The following STRIP1 variants were observed in gnomAD, a reference collection of about 807,000 sequenced individuals.
STRIP1 encodes the protein striatin interacting protein 1.
STRIP1 carries 63 observed loss-of-function variants against 106.2 expected under a neutral mutation model. The observed-to-expected ratio is 0.59, with a 90% CI of 0.48 to 0.73. STRIP1 has a LOEUF of 0.73. Among genes scored for constraint, STRIP1 ranks in the 30% least tolerant of loss-of-function variants. The probability of loss-of-function intolerance (pLI) is 0.00; values close to 1 mark genes in which losing one functional copy is unlikely to be tolerated. For missense variants in STRIP1, 857 were observed against 1,074.8 expected, an observed-to-expected ratio of 0.80 and a Z score of 2.83; for synonymous variants, 390 against 413.0, an observed-to-expected ratio of 0.94 and a Z score of 0.67.
At chr1:110,040,563 G>C in intron 5 of STRIP1, 72 bp from the exon 6 acceptor site, 1 of 1,433,818 alleles carries the variant, frequency 7.0e-7, no homozygotes, top group Non-Finnish European at 9.5e-7. Flanking sequence ...TTCCCCATTG[G>C]TCAGTACTTG....
At position 110,043,624 on chromosome 1, in the gene STRIP1, C is replaced by T; in HGVS notation, c.1069-15C>T. On this transcript the variant is annotated splice_polypyrimidine_tract_variant and intron_variant, in intron 9 of 20. Transcript: ENST00000369795. ...CTCAGTTGGCTCTTGTCTCATCTCC[C>T]TTCCCTGGTTTCAGGCTCTGATAAA... 1 of 1,610,616 alleles carries T rather than the reference C, an allele frequency of 6.2e-7. No individual in the cohort carries two copies. The highest frequency in any genetic ancestry group is 8.5e-7 in the Non-Finnish European group (1 of 1,178,026).
upstream of STRIP1, chr1:110,034,621 G>C (rs1290959885): frequency 1.3e-6 from 2 of 1,512,326 alleles, no homozygotes; most frequent in Non-Finnish European, 8.8e-7. Flanking sequence ...TTAAGCTGGG[G>C]GTGTGGAGCA....
chr1:110,048,241 C>T (rs1653123684), intron 15 of STRIP1: 2 of 259,930 alleles, frequency 7.7e-6, no homozygotes, highest in Non-Finnish European at 1.5e-5. Context: ...CCAGCAACAG[C>T]TGAACCTGTG....
chr1:110,046,742 T>G lies in STRIP1; in HGVS notation c.1479T>G (p.Pro493=). The change falls in exon 13 of 21, where the codon CCT becomes CCG. Residue 493 remains proline (P), a synonymous_variant. Transcript: ENST00000369795. ...AQMEEEYLRS[P]LSGGEEEVEQ... ...TGGAGGAGGAATACCTCCGCTCCCC[T>G]CTCTCAGGGGTAAGTTGGAGGTCCT... The G allele has an allele frequency of 1.2e-6, 2 of 1,612,040 alleles. No homozygotes were observed. Among genetic ancestry groups the G allele is most frequent in the Non-Finnish European group, 8.5e-7 (1 of 1,178,676 alleles).
chr1:110,041,477 C>T lies in STRIP1; in HGVS notation c.651-59C>T. 4 of 1,219,056 alleles carry T rather than the reference C, an allele frequency of 3.3e-6. No homozygotes were observed. In the South Asian group the frequency reaches 4.9e-5, roughly 15 times the overall value. 75.5% of individuals were successfully genotyped at this position (1,219,056 alleles called of 1,614,324 possible). A position where few individuals can be genotyped will look rare whatever the true frequency, so the allele number is the denominator to read the frequency against. The stretch of plus-strand genomic sequence containing the variant: ...CTTTGTGTAAGCACTTTGTTAGACA[C>T]TAGGGTGCTCCTTTGACCCCCCCAT... On this transcript the variant is annotated intron_variant, in intron 6 of 20. Transcript: ENST00000369795.
intron 18 of STRIP1, 108 bp from the exon 19 acceptor site, chr1:110,050,848 T>TA (rs888833147): frequency 1.7e-5 from 12 of 695,350 alleles, no homozygotes; most frequent in Non-Finnish European, 2.1e-5. Flanking sequence ...GGATTCCTGG[T>TA]AGAGGCCTGG....
At position 110,039,117 on chromosome 1, in the gene STRIP1, A is replaced by G. The variant is rs1052878646; in HGVS notation, c.326-55A>G. The G allele has an allele frequency of 5.6e-6, 9 of 1,604,990 alleles. No individual in the cohort carries two copies. The African/African-American group carries it at 8.0e-5, about 14-fold the overall frequency. Reference sequence around the variant, plus strand: ...GAATTTGGTGAGTTAACATGGGTCCATGCCATTGTGAGGATTTTTCTAGGC... The same window carrying G: ...GAATTTGGTGAGTTAACATGGGTCCGTGCCATTGTGAGGATTTTTCTAGGC... On this transcript the variant is annotated intron_variant, in intron 3 of 20. Coordinates refer to ENST00000369795, the MANE Select transcript of STRIP1 (RefSeq NM_033088.4).
chr1:110,050,635 G>T (rs570246299), intron 18 of STRIP1, among the ~76,000 whole-genome samples: 1 of 152,352 alleles, frequency 6.6e-6, no homozygotes, highest in South Asian at 2.1e-4. Flanking sequence ...GGTCTTCAGG[G>T]GCTGCTGATC....
intron 9 of STRIP1, 41 bp from the exon 10 acceptor site, chr1:110,043,598 C>T (rs1037588559): frequency 3.8e-6 from 6 of 1,561,842 alleles, no homozygotes; most frequent in Admixed American, 1.7e-5. Context: ...TGGTCTGCGT[C>T]CTCAGTTGGC....
intron 1 of STRIP1, among the ~76,000 whole-genome samples, chr1:110,035,964 A>G (rs1652432524): frequency 6.6e-6 from 1 of 152,336 alleles, no homozygotes; most frequent in South Asian, 2.1e-4. Context: ...GAGCCCTGGC[A>G]TGGTGGGATG....
intron 17 of STRIP1, 156 bp from the exon 18 acceptor site, chr1:110,050,187 A>T: frequency 1.5e-6 from 1 of 650,202 alleles, no homozygotes; most frequent in Non-Finnish European, 2.7e-6. Context: ...TCCTCATCTT[A>T]TAGGTGGGGA....
intron 2 of STRIP1, 53 bp from the exon 3 acceptor site, chr1:110,038,630 C>A: frequency 6.8e-7 from 1 of 1,471,140 alleles, no homozygotes; most frequent in Non-Finnish European, 9.5e-7. Context: ...CTTGTGAGAC[C>A]TGGTGTGCAA....
intron 1 of STRIP1, among the ~76,000 whole-genome samples, chr1:110,037,237 C>G (rs1652502338): frequency 6.6e-6 from 1 of 152,178 alleles, no homozygotes. Flanking sequence ...TTCTCTCTTC[C>G]CAGTACAAGG....
chr1:110,034,876 C>A (rs1652363687), intron 1 of STRIP1, 59 bp downstream of exon 1: 1 of 1,371,244 alleles, frequency 7.3e-7, no homozygotes. Context: ...GGGTCCCGGG[C>A]CCGGGGCCAC....
At chr1:110,049,322 G>C (rs1570927543) in intron 16 of STRIP1, 84 bp downstream of exon 16, 2 of 1,600,222 alleles carry the variant, frequency 1.2e-6, no homozygotes, top group East Asian at 4.5e-5. Flanking sequence ...CGGGGGCCTT[G>C]GCCTTTGACC....
intron 16 of STRIP1, 96 bp from the exon 17 acceptor site, chr1:110,049,364 T>G: frequency 6.4e-7 from 1 of 1,558,250 alleles, no homozygotes; most frequent in Non-Finnish European, 8.8e-7. Flanking sequence ...TTCTAAGACA[T>G]GGCCCTTCAG....
chr1:110,048,018 T>C, intron 15 of STRIP1, 149 bp downstream of exon 15: 1 of 672,612 alleles, frequency 1.5e-6, no homozygotes, highest in South Asian at 1.8e-5. Flanking sequence ...ACTACGAGAT[T>C]AAAGAGTTTC....
In STRIP1 at chr1:110,034,742, A is replaced by ACCGCGGGCCG. The variant is rs763446096; in HGVS notation, c.115_124dup (p.Leu42ArgfsTer33). 2 of 1,471,612 alleles carry ACCGCGGGCCG rather than the reference A, an allele frequency of 1.4e-6. No individual in the cohort carries two copies. The highest frequency in any genetic ancestry group is 8.9e-7 in the Non-Finnish European group (1 of 1,117,946). The allele number at this position is 1,471,612 out of a possible 1,614,324, so 91.2% of individuals were successfully genotyped here. ...CAGCCGCACAGCCACCACCCGGGGCACCGCGGGCCGCCGCGGGCCTCCTGC... is the reference window on the plus strand; with the variant it reads ...CAGCCGCACAGCCACCACCCGGGGCACCGCGGGCCGCCGCGGGCCGCCGCGGGCCTCCTGC... On this transcript the variant is annotated frameshift_variant, in exon 1 of 21. Transcript: ENST00000369795. LOFTEE classifies it high-confidence loss of function.
chr1:110,049,428 T>G, intron 16 of STRIP1, 32 bp from the exon 17 acceptor site: 1 of 448,928 alleles, frequency 2.2e-6, no homozygotes, highest in Non-Finnish European at 3.0e-6. Context: ...GGCCGCGCCT[T>G]TTTTTTTTTT....
Sources: gnomAD v4.1 joint callset for allele counts (sites outside exome capture counted in the v4.1 genomes callset) on GRCh38, gnomAD v4.1.1 for gene constraint, MANE v1.5 for transcripts, NCBI Gene and HGNC (gene_info 2026-07-23, HGNC 2026-07-21) for gene names.